The following EYA4 variants were observed in gnomAD, a reference collection of about 807,000 sequenced individuals.
The protein encoded by EYA4 is protein phosphatase EYA4.
EYA4 carries 31 observed loss-of-function variants against 87.9 expected under a neutral mutation model. That is an observed-to-expected ratio of 0.35 (90% CI 0.27 to 0.48). The LOEUF is 0.48. EYA4 is among the 20% of genes least tolerant of loss of function. The pLI, the probability that EYA4 is intolerant of heterozygous loss-of-function variation, is 0.99. For synonymous variants in EYA4, 263 were observed against 270.6 expected, an observed-to-expected ratio of 0.97 and a Z score of 0.28; for missense variants, 678 against 761.4, an observed-to-expected ratio of 0.89 and a Z score of 1.29.
chr6:133,488,216 A>G (rs1449505834), intron 13 of EYA4, among the ~76,000 whole-genome samples: 2 of 152,162 alleles, frequency 1.3e-5, no homozygotes, highest in South Asian at 2.1e-4. Flanking sequence ...TAGCTCAACC[A>G]CAGTAGAATA....
At chr6:133,431,452 T>C (rs1295355458) in intron 3 of EYA4, among the ~76,000 whole-genome samples, 1 of 152,218 alleles carries the variant, frequency 6.6e-6, no homozygotes, top group Non-Finnish European at 1.5e-5. Context: ...GTGCAAGTAA[T>C]AGCACTGTCA....
intron 2 of EYA4, among the ~76,000 whole-genome samples, chr6:133,350,681 C>T (rs138823214): frequency 6.6e-6 from 1 of 152,160 alleles, no homozygotes; most frequent in Non-Finnish European, 1.5e-5. Context: ...GTCGTTTGCT[C>T]TCTGTATCTT....
intron 7 of EYA4, 116 bp downstream of exon 7, chr6:133,461,296 A>G: frequency 2.5e-6 from 2 of 799,932 alleles, no homozygotes; most frequent in East Asian, 2.6e-5. Context: ...ATCCTGTACA[A>G]ATTTGAAATG....
chr6:133,451,441 A>G (rs1793432304), intron 5 of EYA4, among the ~76,000 whole-genome samples: 1 of 152,192 alleles, frequency 6.6e-6, no homozygotes, highest in African/African-American at 2.4e-5. Context: ...CCAGATTCTA[A>G]TTTGCTGAAT....
intron 4 of EYA4, 43 bp downstream of exon 4, chr6:133,446,797 G>A: frequency 1.2e-6 from 2 of 1,601,224 alleles, no homozygotes; most frequent in Non-Finnish European, 1.7e-6. Context: ...ATATTTCAAT[G>A]TTTGCTTTAA....
chr6:133,459,713 T>C (rs1163210347), intron 6 of EYA4, among the ~76,000 whole-genome samples: 1 of 152,154 alleles, frequency 6.6e-6, no homozygotes, highest in African/African-American at 2.4e-5. Context: ...ATTAAGTTGA[T>C]TTGAAAATTT....
intron 2 of EYA4, among the ~76,000 whole-genome samples, chr6:133,379,157 A>C (rs1244238128): frequency 1.3e-5 from 2 of 152,098 alleles, no homozygotes; most frequent in South Asian, 4.1e-4. Flanking sequence ...CTGTAGACCC[A>C]GTTACGTGGA....
chr6:133,514,980 A>G (rs1799461277), intron 16 of EYA4, among the ~76,000 whole-genome samples: 1 of 152,224 alleles, frequency 6.6e-6, no homozygotes. Context: ...GACCTCAAAT[A>G]TCACAGTCCC....
At chr6:133,525,360 T>C in intron 19 of EYA4, 106 bp downstream of exon 19, 2 of 893,720 alleles carry the variant, frequency 2.2e-6, no homozygotes, top group Non-Finnish European at 3.7e-6. Flanking sequence ...TTTAAATTTA[T>C]AGATGCAAAG....
chr6:133,381,029 C>T (rs182164607), intron 2 of EYA4, among the ~76,000 whole-genome samples: 2 of 150,044 alleles, frequency 1.3e-5, no homozygotes, highest in East Asian at 3.9e-4. Context: ...TTCTCTACCT[C>T]CTCCTCCTTT....
At chr6:133,342,574 CATATATATAT>C (rs56987430) in intron 2 of EYA4, among the ~76,000 whole-genome samples, 19 of 100,480 alleles carry the variant, frequency 1.9e-4, no homozygotes, top group African/African-American at 4.1e-4. Flanking sequence ...TACACACTGC[CATATATATAT>C]ATATATATAT....
intron 1 of EYA4, among the ~76,000 whole-genome samples, chr6:133,259,367 A>G (rs967553193): frequency 6.6e-6 from 1 of 152,214 alleles, no homozygotes; most frequent in Non-Finnish European, 1.5e-5. Flanking sequence ...GACTCAAAAC[A>G]CCAAATGTAT....
At chr6:133,322,878 G>A (rs1781201694) in intron 2 of EYA4, among the ~76,000 whole-genome samples, 1 of 152,224 alleles carries the variant, frequency 6.6e-6, no homozygotes, top group Non-Finnish European at 1.5e-5. Flanking sequence ...GACTTTCTAT[G>A]AGTTGCAAAA....
At chr6:133,241,325 C>G (rs888168569), upstream of EYA4, 4 of 152,172 alleles carry the variant, frequency 2.6e-5, no homozygotes, top group Non-Finnish European at 5.9e-5. Context: ...GCCGGCAGCG[C>G]GGCGCACGCT....
chr6:133,366,654 C>T (rs1240678774), intron 2 of EYA4, among the ~76,000 whole-genome samples: 5 of 152,182 alleles, frequency 3.3e-5, no homozygotes, highest in Non-Finnish European at 5.9e-5. Context: ...TTGATTTCTA[C>T]GTGGTATTTG....
intron 19 of EYA4, chr6:133,525,828 A>C: frequency 1.2e-6 from 1 of 857,124 alleles, no homozygotes; most frequent in Non-Finnish European, 1.4e-6. Flanking sequence ...AAACTGCTAC[A>C]AGAGATTTTA....
chr6:133,443,213 T>A (rs986787093), intron 3 of EYA4, among the ~76,000 whole-genome samples: 7 of 151,962 alleles, frequency 4.6e-5, no homozygotes, highest in African/African-American at 9.7e-5. Flanking sequence ...AATTTTTTTT[T>A]AAATAACAGT....
At chr6:133,315,756 T>C (rs1285327062) in intron 2 of EYA4, among the ~76,000 whole-genome samples, 4 of 152,114 alleles carry the variant, frequency 2.6e-5, no homozygotes, top group South Asian at 2.1e-4. Context: ...AGTAAGATCA[T>C]GAGGTATATG....
chr6:133,385,389 CTCTGTGTGTGTGTG>C lies in EYA4; in HGVS notation c.83+2950_83+2963del, dbSNP rs1302572484. On this transcript the variant is annotated intron_variant, in intron 3 of 19. Coordinates refer to ENST00000355286, the MANE Select transcript of EYA4 (RefSeq NM_004100.5). ...TCCTCTGTGTGTGTATGTATGCTCT[CTCTGTGTGTGTGTG>C]TGTGTGTGTGTGTGTGTGTGTGTGT... 3.0e-3 allele frequency among the ~76,000 whole-genome samples: 197 copies of C among 64,970 alleles called. 3 individuals are homozygous for C. The highest frequency in any genetic ancestry group is 5.8e-3 in the African/African-American group (152 of 26,130). 42.6% of individuals were successfully genotyped at this position (64,970 alleles called of 152,430 possible).
Sources: gnomAD v4.1 joint callset for allele counts (sites outside exome capture counted in the v4.1 genomes callset) on GRCh38, gnomAD v4.1.1 for gene constraint, MANE v1.5 for transcripts, NCBI Gene and HGNC (gene_info 2026-07-23, HGNC 2026-07-21) for gene names.